Variants in RTN1 observed in about 807,000 individuals in gnomAD.
RTN1 encodes the protein reticulon 1, also known as reticulon-1.
Under a neutral mutation model 65.5 loss-of-function variants are expected in RTN1, and 25 were observed. That is an observed-to-expected ratio of 0.38 (90% confidence interval 0.28 to 0.53). RTN1 has a LOEUF of 0.53. RTN1 is among the 20% of genes least tolerant of loss of function. The pLI, the probability that RTN1 is intolerant of heterozygous loss-of-function variation, is 0.79. For missense variants in RTN1, 983 were observed against 1,025.4 expected, an observed-to-expected ratio of 0.96 and a Z score of 0.57; for synonymous variants, 471 against 447.6, an observed-to-expected ratio of 1.05 and a Z score of -0.66.
At chr14:59,688,407 G>A (rs1006031491) in intron 3 of RTN1, among the ~76,000 whole-genome samples, 32 of 152,288 alleles carry the variant, frequency 2.1e-4, no homozygotes, top group East Asian at 1.9e-4. Flanking sequence ...CTCCTTTGGC[G>A]CTGGTGCTCG....
chr14:59,870,344 G>T lies in RTN1; in HGVS notation c.241+46C>A, dbSNP rs946801245. On this transcript the variant is annotated intron_variant, in intron 1 of 8. Transcript: ENST00000267484. This position sits in a 1 kb window ranked among gnomAD's most constrained non-coding sequence, Gnocchi z 5.1. ...CGCGCAGAAGGGGACTGACTGGGGGGCCCTGGTCCCCGACGCCATTTGAGG... is the reference window on the plus strand; with the variant it reads ...CGCGCAGAAGGGGACTGACTGGGGGTCCCTGGTCCCCGACGCCATTTGAGG... 2.0e-5 allele frequency: 29 copies of T among 1,446,552 alleles called. No homozygotes were observed. The Admixed American group carries it at 7.1e-4, about 35-fold the overall frequency. 89.6% of individuals were successfully genotyped at this position (1,446,552 alleles called of 1,614,324 possible). A position where few individuals can be genotyped will look rare whatever the true frequency, so the allele number is the denominator to read the frequency against.
rs376045517 is a variant in RTN1, at chr14:59,662,445, A to C, written c.1766-54953T>G. Among the ~76,000 whole-genome samples, 137 of 152,062 alleles carry C rather than the reference A, an allele frequency of 9.0e-4. 3 individuals are homozygous for C. In the East Asian group the frequency reaches 0.025, roughly 28 times the overall value. On this transcript the variant is annotated intron_variant, in intron 3 of 8. Coordinates refer to ENST00000267484, the MANE Select transcript of RTN1 (RefSeq NM_021136.3). ...TTGTCCTTGTGATAGTTTGCTGAGA[A>C]TGATGGTTTCCAGCTTCATCCATGT...
chr14:59,756,181 T>C (rs776171469), intron 1 of RTN1, among the ~76,000 whole-genome samples: 2 of 152,182 alleles, frequency 1.3e-5, no homozygotes, highest in African/African-American at 4.8e-5. Context: ...GATGAAATGA[T>C]GGTGAAAGTT....
At chr14:59,663,382 G>A (rs961855837) in intron 3 of RTN1, among the ~76,000 whole-genome samples, 4 of 152,078 alleles carry the variant, frequency 2.6e-5, no homozygotes, top group Admixed American at 2.6e-4. Context: ...AAAAACCCTA[G>A]AAGAAAACCT....
At chr14:59,628,018 T>C (rs1882446427) in intron 3 of RTN1, among the ~76,000 whole-genome samples, 1 of 151,936 alleles carries the variant, frequency 6.6e-6, no homozygotes, top group African/African-American at 2.4e-5. Context: ...TCTGCTGGTC[T>C]ATGGGTTTGG....
At chr14:59,681,816 TTC>T (rs1883751071) in intron 3 of RTN1, among the ~76,000 whole-genome samples, 1 of 152,166 alleles carries the variant, frequency 6.6e-6, no homozygotes, top group South Asian at 2.1e-4. Flanking sequence ...AGATTCCTGT[TTC>T]TGTCTCACTG....
chr14:59,761,892 A>C (rs1466425690), intron 1 of RTN1, among the ~76,000 whole-genome samples: 5 of 152,196 alleles, frequency 3.3e-5, no homozygotes, highest in Non-Finnish European at 5.9e-5. Context: ...TCTGGGACCT[A>C]AAGCAACATC....
At chr14:59,859,484 TTTATCAGCA>T (rs1887667886) in intron 1 of RTN1, among the ~76,000 whole-genome samples, 1 of 152,242 alleles carries the variant, frequency 6.6e-6, no homozygotes, top group Admixed American at 6.5e-5. Context: ...CAGGTATGTC[TTTATCAGCA>T]TTATGAAAGC....
rs1271951890 is a variant in RTN1, at chr14:59,749,122, A to C, written c.242-2641T>G. Reference sequence around the variant, plus strand: ...TATATCTATATATATATATATATATATAGATATATCTATATCTATCTATCT... The same window carrying C: ...TATATCTATATATATATATATATATCTAGATATATCTATATCTATCTATCT... On this transcript the variant is annotated intron_variant, in intron 1 of 8. Transcript: ENST00000267484. Among the ~76,000 whole-genome samples the C allele has an allele frequency of 5.6e-3, 293 of 51,942 alleles. 13 individuals are homozygous for C. The highest frequency in any genetic ancestry group is 0.03 in the African/African-American group (236 of 7,876). 34.1% of individuals were successfully genotyped at this position (51,942 alleles called of 152,430 possible).
chr14:59,644,988 C>G (rs1882859030), intron 3 of RTN1, among the ~76,000 whole-genome samples: 1 of 151,446 alleles, frequency 6.6e-6, no homozygotes. Flanking sequence ...TTTGCTGTTT[C>G]ACAGCCTTAG....
At chr14:59,795,518 T>C (rs191753077) in intron 1 of RTN1, among the ~76,000 whole-genome samples, 2 of 152,140 alleles carry the variant, frequency 1.3e-5, no homozygotes, top group East Asian at 1.9e-4. Context: ...CTGGGCAAAA[T>C]AGTGAGATCC....
At chr14:59,858,653 C>T (rs796321762) in intron 1 of RTN1, among the ~76,000 whole-genome samples, 55 of 152,128 alleles carry the variant, frequency 3.6e-4, no homozygotes, top group African/African-American at 1.1e-3. Flanking sequence ...GGATTGGACA[C>T]GGAAATTAGA....
chr14:59,705,165 TGCAG>T (rs1382749711), intron 3 of RTN1, among the ~76,000 whole-genome samples: 2 of 152,172 alleles, frequency 1.3e-5, no homozygotes, highest in East Asian at 3.9e-4. Context: ...TTTGCTTCCA[TGCAG>T]GCTGCCACAG....
intron 8 of RTN1, among the ~76,000 whole-genome samples, chr14:59,599,285 A>C (rs1365331094): frequency 6.6e-6 from 1 of 152,148 alleles, no homozygotes; most frequent in Non-Finnish European, 1.5e-5. Context: ...ATTTCATTTT[A>C]TTGATTTCAA....
At chr14:59,801,649 T>C (rs1471807559) in intron 1 of RTN1, among the ~76,000 whole-genome samples, 1 of 152,178 alleles carries the variant, frequency 6.6e-6, no homozygotes, top group Non-Finnish European at 1.5e-5. Context: ...AAATTTCATA[T>C]ATATGTAACT....
chr14:59,749,102 C>CTA (rs1212484111), intron 1 of RTN1, among the ~76,000 whole-genome samples: 2,815 of 74,068 alleles, frequency 0.038, 286 homozygotes, highest in African/African-American at 0.076. Flanking sequence ...ATATATATAT[C>CTA]TATATATATA....
At position 59,745,955 on chromosome 14, in the gene RTN1, T is replaced by C. The variant is rs370627225; in HGVS notation, c.768A>G (p.Glu256=). The part of the protein sequence containing the change: ...EGKIIKDHLL[E]ESTFAPYIDD... ...CTATGTATGGAGCAAATGTGGATTC[T>C]TCCAATAAATGGTCCTTGATGATTT... Residue 256 remains glutamate (E), a synonymous_variant, in exon 2 of 9, where the codon GAA becomes GAG. Transcript: ENST00000267484. 58 of 1,614,156 alleles carry C rather than the reference T, an allele frequency of 3.6e-5. No individual in the cohort carries two copies. The highest frequency in any genetic ancestry group is 3.3e-4 in the Middle Eastern group (2 of 6,060).
chr14:59,642,943 C>G (rs1882810686), intron 3 of RTN1, among the ~76,000 whole-genome samples: 1 of 152,156 alleles, frequency 6.6e-6, no homozygotes, highest in African/African-American at 2.4e-5. Flanking sequence ...GCTCCTGCCT[C>G]TAGTAAGTAG....
At position 59,766,698 on chromosome 14, in the gene RTN1, G is replaced by A. The variant is rs1885857144; in HGVS notation, c.242-20217C>T. The stretch of plus-strand genomic sequence containing the variant: ...TGCTGTATATGGATCTTTTCTTCTG[G>A]ACTAGAAGAAACGGAAGGAAAGAGT... On this transcript the variant is annotated intron_variant, in intron 1 of 8. Transcript: ENST00000267484. This position sits in a 1 kb window ranked among gnomAD's most constrained non-coding sequence, Gnocchi z 4.4. Among the ~76,000 whole-genome samples the A allele has an allele frequency of 6.6e-6, 1 of 152,064 alleles. No individual in the cohort carries two copies. The highest frequency in any genetic ancestry group is 2.1e-4 in the South Asian group (1 of 4,824).
Sources: gnomAD v4.1 joint callset for allele counts (sites outside exome capture counted in the v4.1 genomes callset) on GRCh38, gnomAD v4.1.1 for gene constraint, Gnocchi (gnomAD v3.1) non-coding constraint, MANE v1.5 for transcripts, NCBI Gene and HGNC (gene_info 2026-07-23, HGNC 2026-07-21) for gene names.